The following NRXN1 variants were observed in gnomAD, a reference collection of about 807,000 sequenced individuals.
NRXN1 encodes the protein neurexin-1.
A neutral mutation model predicts 150.9 loss-of-function variants in NRXN1; 39 were observed. The observed-to-expected ratio is 0.26, with a 90% confidence interval of 0.20 to 0.34. The LOEUF (loss-of-function observed/expected upper bound fraction) is 0.34, where lower values mean the gene tolerates loss of function less well. Among genes scored for constraint, NRXN1 ranks in the 10% least tolerant of loss-of-function variants. The probability of loss-of-function intolerance (pLI) is 1.00; values close to 1 mark genes in which losing one functional copy is unlikely to be tolerated. For missense variants in NRXN1, 1,815 were observed against 1,949.9 expected, an observed-to-expected ratio of 0.93 and a Z score of 1.30; for synonymous variants, 924 against 757.0, an observed-to-expected ratio of 1.22 and a Z score of -3.62.
chr2:50,465,869 T>A (rs1366580396), intron 16 of NRXN1, among the ~76,000 whole-genome samples: 1 of 151,912 alleles, frequency 6.6e-6, no homozygotes. Context: ...TAATTCTTTA[T>A]CACTATTTTG....
intron 22 of NRXN1, among the ~76,000 whole-genome samples, chr2:49,936,794 A>G (rs945467985): frequency 3.3e-5 from 5 of 150,940 alleles, no homozygotes; most frequent in African/African-American, 1.2e-4. Context: ...CTATATTCTA[A>G]AAAACAAAAC....
chr2:50,922,794 G>T, intron 3 of NRXN1, 107 bp from the exon 4 acceptor site: 1 of 1,100,740 alleles, frequency 9.1e-7, no homozygotes, highest in Non-Finnish European at 1.4e-6. Flanking sequence ...TTTCCTATGA[G>T]ACATGTCTGT....
intron 17 of NRXN1, among the ~76,000 whole-genome samples, chr2:50,282,686 A>C (rs982953901): frequency 6.6e-6 from 1 of 152,164 alleles, no homozygotes; most frequent in Non-Finnish European, 1.5e-5. Context: ...TTTTTATATT[A>C]TACTTCCTTT....
intron 5 of NRXN1, among the ~76,000 whole-genome samples, chr2:50,897,241 A>T (rs1478398248): frequency 6.6e-6 from 1 of 152,206 alleles, no homozygotes; most frequent in Admixed American, 6.5e-5. Context: ...AGGACTGGTT[A>T]TGAGGATAAA....
intron 8 of NRXN1, among the ~76,000 whole-genome samples, chr2:50,614,487 A>C: frequency 6.6e-6 from 1 of 151,896 alleles, no homozygotes; most frequent in East Asian, 1.9e-4. Flanking sequence ...AAAATAAGCA[A>C]AAAAGGGGAG....
At position 51,026,173 on chromosome 2, in the gene NRXN1, A is replaced by G. The variant is rs1416670338; in HGVS notation, c.772+1329T>C. On this transcript the variant is annotated intron_variant, in intron 2 of 22. Transcript: ENST00000401669. ...GCAAAAATCAAAGACATTATACAAT[A>G]AAACGCAGCCACACAGAGCTTTTGT... is the stretch of plus-strand genomic sequence containing the variant. Among the ~76,000 whole-genome samples, 4 of 152,216 alleles carry G rather than the reference A, an allele frequency of 2.6e-5. No individual in the cohort carries two copies. In the East Asian group the frequency reaches 5.8e-4, roughly 22 times the overall value.
At chr2:50,071,356 C>T (rs1696270011) in intron 19 of NRXN1, among the ~76,000 whole-genome samples, 1 of 152,144 alleles carries the variant, frequency 6.6e-6, no homozygotes, top group African/African-American at 2.4e-5. Context: ...GAAGCCTTAA[C>T]CCCTAAGACC....
At chr2:50,216,866 T>A (rs1275553044) in intron 18 of NRXN1, among the ~76,000 whole-genome samples, 1 of 152,082 alleles carries the variant, frequency 6.6e-6, no homozygotes, top group Non-Finnish European at 1.5e-5. Context: ...AGGTCCAGAA[T>A]AATCACAAGT....
intron 17 of NRXN1, among the ~76,000 whole-genome samples, chr2:50,365,849 T>A (rs539788938): frequency 6.6e-6 from 1 of 152,206 alleles, no homozygotes; most frequent in Non-Finnish European, 1.5e-5. Flanking sequence ...GAGTAATGTT[T>A]TCTAAATCTG....
intron 21 of NRXN1, among the ~76,000 whole-genome samples, chr2:50,026,859 CTTTTTTTTTTTTTTTTTTTTTTTTT>C (rs57580154): frequency 4.6e-5 from 3 of 65,242 alleles, no homozygotes; most frequent in East Asian, 1.2e-3. Context: ...CTTTTCTTTT[CTTTTTTTTTTTTTTTTTTTTTTTTT>C]TTTTTTTTTT....
At chr2:49,992,628 G>A (rs1324599244) in intron 21 of NRXN1, among the ~76,000 whole-genome samples, 1 of 152,010 alleles carries the variant, frequency 6.6e-6, no homozygotes, top group African/African-American at 2.4e-5. Flanking sequence ...TTAAGAAAAT[G>A]AGAAGACAAG....
intron 8 of NRXN1, among the ~76,000 whole-genome samples, chr2:50,578,825 T>G (rs1267804342): frequency 1.3e-5 from 2 of 152,128 alleles, no homozygotes; most frequent in Non-Finnish European, 2.9e-5. Context: ...GAGATATAAA[T>G]CATTCATATT....
At chr2:50,427,813 G>A (rs1055028571) in intron 17 of NRXN1, among the ~76,000 whole-genome samples, 1 of 152,104 alleles carries the variant, frequency 6.6e-6, no homozygotes. Context: ...AAAATTTCAT[G>A]TCTTATCCAT....
At chr2:50,210,692 T>C (rs2152843465) in intron 18 of NRXN1, among the ~76,000 whole-genome samples, 1 of 151,796 alleles carries the variant, frequency 6.6e-6, no homozygotes, top group South Asian at 2.1e-4. Flanking sequence ...ATTGTTGTTT[T>C]GACTATGAAT....
At chr2:50,245,067 G>T (rs1476599308) in intron 17 of NRXN1, among the ~76,000 whole-genome samples, 1 of 151,844 alleles carries the variant, frequency 6.6e-6, no homozygotes, top group East Asian at 1.9e-4. Context: ...CCACTTAGTG[G>T]TATCTTTGCA....
chr2:50,780,027 C>T (rs1704160086), intron 5 of NRXN1, among the ~76,000 whole-genome samples: 1 of 152,142 alleles, frequency 6.6e-6, no homozygotes. Flanking sequence ...TCTCCAGCAT[C>T]TGTTGTTTCC....
chr2:50,510,269 C>T (rs997200052), intron 12 of NRXN1, among the ~76,000 whole-genome samples: 5 of 151,634 alleles, frequency 3.3e-5, no homozygotes, highest in African/African-American at 7.3e-5. Flanking sequence ...GGGAGAATCA[C>T]GAGGTCAGGA....
intron 18 of NRXN1, among the ~76,000 whole-genome samples, chr2:50,178,141 C>A (rs2060466605): frequency 6.6e-6 from 1 of 151,998 alleles, no homozygotes; most frequent in South Asian, 2.1e-4. Context: ...GTTTCAGAAT[C>A]TAAGAAAAAT....
At chr2:50,265,056 G>T (rs1332914695) in intron 17 of NRXN1, among the ~76,000 whole-genome samples, 4 of 152,102 alleles carry the variant, frequency 2.6e-5, no homozygotes, top group Non-Finnish European at 5.9e-5. Context: ...AAAATTTCCA[G>T]ATGCCAGAAA....
Sources: gnomAD v4.1 joint callset for allele counts (sites outside exome capture counted in the v4.1 genomes callset) on GRCh38, gnomAD v4.1.1 for gene constraint, MANE v1.5 for transcripts, NCBI Gene and HGNC (gene_info 2026-07-23, HGNC 2026-07-21) for gene names.